RARB: variants seen among roughly 807,000 people sequenced by gnomAD.
The protein encoded by RARB is HBV-activated protein.
In RARB, 17 loss-of-function variants were observed where a neutral mutation model predicts 51.9. The observed-to-expected ratio is 0.33, with a 90% confidence interval of 0.22 to 0.49. The LOEUF (loss-of-function observed/expected upper bound fraction) is 0.49, where lower values mean the gene tolerates loss of function less well. Ranked by LOEUF, RARB falls within the 20% of genes least tolerant of loss-of-function variation. The pLI is 0.99. For missense variants in RARB, 369 were observed against 550.8 expected (o/e 0.67, Z 3.30); for synonymous variants, 215 against 195.4 (o/e 1.10, Z -0.84).
At chr3:25,143,077 C>G (rs1700135042) in intron 4 of RARB, among the ~76,000 whole-genome samples, 1 of 152,158 alleles carries the variant, frequency 6.6e-6, no homozygotes, top group Non-Finnish European at 1.5e-5. Flanking sequence ...AGAAGTTAGC[C>G]TGGAGTATCC....
At chr3:25,515,230 G>A (rs982316057) in intron 3 of RARB, among the ~76,000 whole-genome samples, 1 of 152,188 alleles carries the variant, frequency 6.6e-6, no homozygotes, top group South Asian at 2.1e-4. Context: ...TTGAAGTGTG[G>A]TGCTTTACTC....
Position 25,214,595 on chromosome 3 carries a change from A to G in RARB, c.178+40020A>G, listed in dbSNP as rs376447626. 2.2e-4 allele frequency among the ~76,000 whole-genome samples: 33 copies of G among 152,308 alleles called. No homozygotes were observed. The South Asian group carries it at 6.6e-3, about 31-fold the overall frequency. On this transcript the variant is annotated intron_variant, in intron 5 of 11. Coordinates refer to the RARB transcript ENST00000383772. ...CAGAAGAAATTTTCCTACTGTAAGAATCCTCAATATTTTAACAGGGCGTCC... is the reference window on the plus strand; with the variant it reads ...CAGAAGAAATTTTCCTACTGTAAGAGTCCTCAATATTTTAACAGGGCGTCC...
chr3:25,457,089 A>G (rs1575421891), intron 1 of RARB, among the ~76,000 whole-genome samples: 1 of 152,080 alleles, frequency 6.6e-6, no homozygotes, highest in East Asian at 1.9e-4. Context: ...ACAGTCAGCC[A>G]AAAGGGAATT....
chr3:24,971,981 T>C (rs1696409379), intron 2 of RARB, among the ~76,000 whole-genome samples: 1 of 77,296 alleles, frequency 1.3e-5, no homozygotes, highest in Non-Finnish European at 2.9e-5. Context: ...ACCTTAAATA[T>C]TTATTTTTCT....
intron 5 of RARB, among the ~76,000 whole-genome samples, chr3:25,296,465 G>C (rs547028795): frequency 2.0e-5 from 3 of 152,294 alleles, no homozygotes; most frequent in East Asian, 1.9e-4. Flanking sequence ...GTAACATGTT[G>C]ATTTTAATTG....
intron 2 of RARB, among the ~76,000 whole-genome samples, chr3:25,056,484 C>G (rs897526573): frequency 4.6e-5 from 7 of 152,098 alleles, no homozygotes; most frequent in African/African-American, 1.7e-4. Context: ...TGGACAATTA[C>G]AGAAAACTTT....
chr3:25,157,380 G>GTGTATA (rs758200423), intron 4 of RARB, among the ~76,000 whole-genome samples: 138 of 146,760 alleles, frequency 9.4e-4, no homozygotes, highest in East Asian at 6.3e-3. Context: ...GTGTGTGTGT[G>GTGTATA]TATATATATG....
intron 5 of RARB, among the ~76,000 whole-genome samples, chr3:25,305,893 G>A (rs2125430203): frequency 6.6e-6 from 1 of 152,270 alleles, no homozygotes; most frequent in Admixed American, 6.5e-5. Flanking sequence ...AAACATTCAG[G>A]TGATGAATGT....
chr3:25,105,567 A>G (rs980848546), intron 3 of RARB, among the ~76,000 whole-genome samples: 1 of 152,058 alleles, frequency 6.6e-6, no homozygotes, highest in African/African-American at 2.4e-5. Context: ...TCAGCTGTTT[A>G]TAGGTGTCAG....
chr3:25,442,158 C>T (rs890998602), intron 1 of RARB, among the ~76,000 whole-genome samples: 3 of 113,932 alleles, frequency 2.6e-5, no homozygotes, highest in African/African-American at 6.4e-5. Flanking sequence ...ATTTTTGAGA[C>T]GGAGTCTCAC....
At chr3:24,855,654 G>A (rs1479078410) in intron 1 of RARB, among the ~76,000 whole-genome samples, 3 of 151,710 alleles carry the variant, frequency 2.0e-5, no homozygotes, top group Admixed American at 6.6e-5. Flanking sequence ...CATGTTATAT[G>A]GATTGTTTAA....
chr3:25,466,658 C>T (rs768408683), intron 2 of RARB, among the ~76,000 whole-genome samples: 2 of 152,178 alleles, frequency 1.3e-5, no homozygotes, highest in African/African-American at 4.8e-5. Flanking sequence ...CATTAAGACC[C>T]TACTACTCCA....
intron 3 of RARB, among the ~76,000 whole-genome samples, chr3:25,511,204 C>T (rs545739443): frequency 5.3e-4 from 81 of 152,134 alleles, no homozygotes; most frequent in South Asian, 1.0e-3. Context: ...ACGATCTCGG[C>T]TCACTGCAAG....
intron 1 of RARB, among the ~76,000 whole-genome samples, chr3:24,839,763 CA>C (rs1407419893): frequency 6.8e-6 from 1 of 147,256 alleles, no homozygotes; most frequent in East Asian, 2.0e-4. Flanking sequence ...AATTGAAGCA[CA>C]AATCCAGATT....
chr3:24,905,027 C>T (rs773551965), intron 2 of RARB, among the ~76,000 whole-genome samples: 2 of 152,152 alleles, frequency 1.3e-5, no homozygotes, highest in African/African-American at 4.8e-5. Flanking sequence ...AGGAAAAACA[C>T]GTCATGTAGA....
intron 5 of RARB, among the ~76,000 whole-genome samples, chr3:25,274,277 TTATAC>T (rs1703325225): frequency 6.6e-6 from 1 of 152,224 alleles, no homozygotes; most frequent in Admixed American, 6.5e-5. Flanking sequence ...CAGTGTGTAT[TTATAC>T]TAACAACACC....
chr3:25,454,569 G>T (rs1694800104), intron 1 of RARB, among the ~76,000 whole-genome samples: 3 of 152,092 alleles, frequency 2.0e-5, no homozygotes, highest in African/African-American at 4.8e-5. Context: ...GAAGGTTCTA[G>T]TAAAAAGGCT....
intron 5 of RARB, among the ~76,000 whole-genome samples, chr3:25,311,345 C>T (rs949234863): frequency 3.3e-5 from 5 of 152,148 alleles, no homozygotes; most frequent in Admixed American, 2.6e-4. Context: ...TAAAAGAGTC[C>T]GCTGATAGGA....
At chr3:24,954,130 G>C (rs1029374915) in intron 2 of RARB, among the ~76,000 whole-genome samples, 2 of 151,758 alleles carry the variant, frequency 1.3e-5, no homozygotes, top group African/African-American at 4.9e-5. Flanking sequence ...TCTTTTTATG[G>C]GTACCTCTGG....
Sources: gnomAD v4.1 joint callset for allele counts (sites outside exome capture counted in the v4.1 genomes callset) on GRCh38, gnomAD v4.1.1 for gene constraint, MANE v1.5 for transcripts, NCBI Gene and HGNC (gene_info 2026-07-23, HGNC 2026-07-21) for gene names.